WDR26: variants seen among roughly 807,000 people sequenced by gnomAD.
The protein encoded by WDR26 is WD repeat-containing protein 26.
In WDR26, 5 loss-of-function variants were observed where a neutral mutation model predicts 84.1. The observed-to-expected ratio is 0.06, with a 90% CI of 0.03 to 0.13. WDR26 has a LOEUF of 0.13. Among genes scored for constraint, WDR26 ranks in the 10% least tolerant of loss-of-function variants. The pLI, the probability that WDR26 is intolerant of heterozygous loss-of-function variation, is 1.00. For missense variants in WDR26, 642 were observed against 974.9 expected, an observed-to-expected ratio of 0.66 and a Z score of 4.55; for synonymous variants, 415 against 389.6, an observed-to-expected ratio of 1.07 and a Z score of -0.77.
At chr1:224,430,958 GTTA>G (rs1197963861) in intron 3 of WDR26, 1 of 153,234 alleles carries the variant, frequency 6.5e-6, no homozygotes, top group Non-Finnish European at 1.5e-5. Flanking sequence ...AGAGTGATAC[GTTA>G]TTATACAAAC....
rs1558414363 is a variant in WDR26, at chr1:224,393,823, A to G, written c.2260+5T>C. ...AAACATAGTAACATTATACAAAGGTATTACCTTCAATATTCTGGTGGTCTA... is the reference window on the plus strand; with the variant it reads ...AAACATAGTAACATTATACAAAGGTGTTACCTTCAATATTCTGGTGGTCTA... On this transcript the variant is annotated splice_donor_5th_base_variant and intron_variant, in intron 13 of 13. Coordinates refer to ENST00000414423, the MANE Select transcript of WDR26 (RefSeq NM_001379403.1). 1.3e-6 allele frequency: 2 copies of G among 1,529,822 alleles called. No individual in the cohort carries two copies. Among genetic ancestry groups the G allele is most frequent in the Non-Finnish European group, 1.8e-6 (2 of 1,119,040 alleles). The allele number at this position is 1,529,822 out of a possible 1,614,324, so 94.8% of individuals were successfully genotyped here.
rs2102886797 is a variant in WDR26 at position 224,394,004 on chromosome 1, A to T, written c.2084T>A (p.Val695Asp). 1 of 1,517,884 alleles carries T rather than the reference A, an allele frequency of 6.6e-7. No individual in the cohort carries two copies. The highest frequency in any genetic ancestry group is 2.3e-5 in the East Asian group (1 of 43,492). The allele number at this position is 1,517,884 out of a possible 1,614,324, so 94.0% of individuals were successfully genotyped here. A position where few individuals can be genotyped will look rare whatever the true frequency, so the allele number is the denominator to read the frequency against. The change falls in exon 13 of 14, where the codon GTT (valine) becomes GAT (aspartate). Residue 695 changes from valine (V) to aspartate (D), a missense_variant. Coordinates refer to ENST00000414423, the MANE Select transcript of WDR26 (RefSeq NM_001379403.1). ...TTCACTACGTTTGTGCCAGATGTAA[A>T]CCTTGTGATCTGAACATATAGTAAT...
At chr1:224,410,033 C>A (rs1673690084) in intron 7 of WDR26, among the ~76,000 whole-genome samples, 1 of 151,952 alleles carries the variant, frequency 6.6e-6, no homozygotes, top group South Asian at 2.1e-4. Flanking sequence ...GTAATCCCAG[C>A]ACTTTGGGAG....
In WDR26 at chr1:224,434,776, C is replaced by T; in HGVS notation, c.-371G>A. ...CGCTCTGCTCCCTGGTGTGTTGATT[C>T]TTCCCCCAGCTGCTGCCTAATGGAG... On this transcript the variant is annotated 5_prime_UTR_variant, in exon 1 of 14. Coordinates refer to ENST00000414423, the MANE Select transcript of WDR26 (RefSeq NM_001379403.1). 1.0e-6 allele frequency: 1 copy of T among 986,336 alleles called. No individual in the cohort carries two copies. Among genetic ancestry groups the T allele is most frequent in the Non-Finnish European group, 1.2e-6 (1 of 830,280 alleles). The allele number at this position is 986,336 out of a possible 1,614,324, so 61.1% of individuals were successfully genotyped here.
intron 7 of WDR26, among the ~76,000 whole-genome samples, chr1:224,408,892 G>A (rs1042950029): frequency 2.6e-5 from 4 of 152,018 alleles, no homozygotes; most frequent in Non-Finnish European, 2.9e-5. Flanking sequence ...CTACAAGAAT[G>A]GGTCCAGGGA....
chr1:224,414,590 G>C (rs755214119), intron 6 of WDR26, among the ~76,000 whole-genome samples: 11 of 152,080 alleles, frequency 7.2e-5, no homozygotes, highest in Non-Finnish European at 1.3e-4. Flanking sequence ...TAGTTTTCTA[G>C]TTCCAATGCT....
Position 224,389,467 on chromosome 1 carries a change from ACAAG to A in WDR26, c.*364_*367del. 1 of 465,154 alleles carries A rather than the reference ACAAG, an allele frequency of 2.1e-6. No individual in the cohort carries two copies. The highest frequency in any genetic ancestry group is 4.1e-5 in the Admixed American group (1 of 24,350). 28.8% of individuals were successfully genotyped at this position (465,154 alleles called of 1,614,324 possible). ...TAAACTGTTAAATAAAGTTTTCCAA[ACAAG>A]CATTTAAACTTCATTACACAGAAGA... On this transcript the variant is annotated 3_prime_UTR_variant, in exon 14 of 14. Transcript: ENST00000414423.
chr1:224,418,752 C>T (rs899042415), intron 5 of WDR26, among the ~76,000 whole-genome samples: 1 of 152,132 alleles, frequency 6.6e-6, no homozygotes, highest in Admixed American at 6.6e-5. Flanking sequence ...TACCAGGAGA[C>T]CAGGTGTAAG....
At chr1:224,395,729 A>G (rs549794303) in intron 12 of WDR26, among the ~76,000 whole-genome samples, 7 of 152,354 alleles carry the variant, frequency 4.6e-5, no homozygotes, top group African/African-American at 1.7e-4. Context: ...TATTTGGTGG[A>G]AAATGTTTTT....
intron 1 of WDR26, 146 bp downstream of exon 1, chr1:224,433,538 T>G: frequency 8.9e-7 from 1 of 1,122,204 alleles, no homozygotes; most frequent in East Asian, 2.7e-5. Context: ...CGCGTCCTCC[T>G]GTGTACTGGG....
At position 224,433,605 on chromosome 1, in the gene WDR26, C is replaced by A. The variant is rs1020661205; in HGVS notation, c.722+79G>T. 7.1e-5 allele frequency: 44 copies of A among 621,902 alleles called. 2 individuals carry two copies. The highest frequency in any genetic ancestry group is 5.7e-4 in the Middle Eastern group (1 of 1,752). 38.5% of individuals were successfully genotyped at this position (621,902 alleles called of 1,614,324 possible). On this transcript the variant is annotated intron_variant, in intron 1 of 13. Coordinates refer to ENST00000414423, the MANE Select transcript of WDR26 (RefSeq NM_001379403.1). ...CGAGCTCTTTCAAGCCCCCCTCCCC[C>A]CTCCGCCCCTTCCCCTACCCCCCTG...
intron 7 of WDR26, 54 bp from the exon 8 acceptor site, chr1:224,404,624 C>A: frequency 6.5e-7 from 1 of 1,548,908 alleles, no homozygotes; most frequent in Non-Finnish European, 8.7e-7. Context: ...GTCATTGTTT[C>A]CCAATGTAAG....
intron 12 of WDR26, 83 bp from the exon 13 acceptor site, chr1:224,394,096 G>A: frequency 9.3e-7 from 1 of 1,069,970 alleles, no homozygotes; most frequent in Admixed American, 3.1e-5. Flanking sequence ...ACTACACACA[G>A]GACTCTTTAC....
intron 5 of WDR26, among the ~76,000 whole-genome samples, chr1:224,418,763 T>C (rs1572199490): frequency 6.6e-6 from 1 of 152,208 alleles, no homozygotes; most frequent in East Asian, 1.9e-4. Context: ...CAGGTGTAAG[T>C]AAAATCTCCA....
intron 4 of WDR26, 49 bp downstream of exon 4, chr1:224,424,469 A>T: frequency 6.3e-7 from 1 of 1,583,632 alleles, no homozygotes; most frequent in Non-Finnish European, 8.6e-7. Flanking sequence ...TTAAAGAAAT[A>T]TAACTTTGGC....
Position 224,418,007 on chromosome 1 carries a change from A to AC in WDR26, c.1319+252dup, listed in dbSNP as rs550987147. Among the ~76,000 whole-genome samples, 30 of 152,344 alleles carry AC rather than the reference A, an allele frequency of 2.0e-4. No homozygotes were observed. In the South Asian group the frequency reaches 5.2e-3, roughly 26 times the overall value. On this transcript the variant is annotated intron_variant, in intron 6 of 13. Coordinates refer to ENST00000414423, the MANE Select transcript of WDR26 (RefSeq NM_001379403.1). The stretch of plus-strand genomic sequence containing the variant: ...TTGGGACATAGTTAAATTGTCAGAC[A>AC]CAGGAAACAAGTAACCAAACCTATA...
intron 3 of WDR26, among the ~76,000 whole-genome samples, chr1:224,425,958 C>T (rs971923959): frequency 4.3e-4 from 65 of 151,884 alleles, no homozygotes; most frequent in African/African-American, 1.5e-3. Context: ...CCTGGGTTCA[C>T]GCGATTCTCC....
chr1:224,419,107 C>A (rs146506096), intron 5 of WDR26, among the ~76,000 whole-genome samples: 54 of 152,264 alleles, frequency 3.5e-4, no homozygotes, highest in Non-Finnish European at 6.5e-4. Context: ...ACCTGCATTA[C>A]AATCTAGAAT....
At chr1:224,393,287 T>C (rs1211448461) in intron 13 of WDR26, among the ~76,000 whole-genome samples, 1 of 152,204 alleles carries the variant, frequency 6.6e-6, no homozygotes, top group African/African-American at 2.4e-5. Flanking sequence ...AGACAGTATA[T>C]GTAAAGGGAT....
Sources: allele counts gnomAD v4.1 joint callset (sites outside exome capture counted in the v4.1 genomes callset), GRCh38; gene constraint gnomAD v4.1.1; transcripts MANE v1.5; gene names NCBI Gene and HGNC (gene_info 2026-07-23, HGNC 2026-07-21).